Variants in DLG4 observed in about 807,000 individuals in gnomAD.
DLG4 encodes discs large MAGUK scaffold protein 4.
In DLG4, 7 loss-of-function variants were observed where a neutral mutation model predicts 93.8. The ratio of observed to expected loss-of-function variants is 0.07; its 90% confidence interval spans 0.04 to 0.14. DLG4 has a LOEUF of 0.14. Among genes scored for constraint, DLG4 ranks in the 10% least tolerant of loss-of-function variants. The probability of loss-of-function intolerance (pLI) is 1.00; values close to 1 mark genes in which losing one functional copy is unlikely to be tolerated. For synonymous variants in DLG4, 341 were observed against 387.6 expected (o/e 0.88, Z 1.41); for missense variants, 545 against 992.9 (o/e 0.55, Z 6.06).
In DLG4 at chr17:7,195,537, C is replaced by T. The variant is rs1419735752; in HGVS notation, c.1301+683G>A. 2.0e-5 allele frequency among the ~76,000 whole-genome samples: 3 copies of T among 152,066 alleles called. No individual in the cohort carries two copies. The highest frequency in any genetic ancestry group is 2.9e-5 in the Non-Finnish European group (2 of 68,022). ...AGCGTGGGACATGTTGAGTGTGGGA[C>T]GCCTGTGGGACATCCCAGTGGAGAT... On this transcript the variant is annotated intron_variant, in intron 11 of 19. Transcript: ENST00000399506. The surrounding 1 kb of genome is among the most constrained non-coding windows in gnomAD (Gnocchi z 4.3).
Position 7,204,080 on chromosome 17 carries a change from G to T in DLG4, c.151-13C>A. 6.2e-7 allele frequency: 1 copy of T among 1,606,814 alleles called. No individual in the cohort carries two copies. The highest frequency in any genetic ancestry group is 8.5e-7 in the Non-Finnish European group (1 of 1,176,658). On this transcript the variant is annotated splice_polypyrimidine_tract_variant and intron_variant, in intron 3 of 19. Coordinates refer to ENST00000399506, the MANE Select transcript of DLG4 (RefSeq NM_001321075.3). ...TCACCTGCAACTCCAGCACGGGACA[G>T]AAACACAAAAGCAGTGAGACAGACA...
At chr17:7,207,817 C>G (rs1274825698) in intron 2 of DLG4, among the ~76,000 whole-genome samples, 1 of 152,014 alleles carries the variant, frequency 6.6e-6, no homozygotes, top group Non-Finnish European at 1.5e-5. Context: ...CAGGCACGCG[C>G]GCACACACAC....
chr17:7,191,712 G>T lies in DLG4; in HGVS notation c.1976+181C>A. On this transcript the variant is annotated intron_variant, in intron 18 of 19. Coordinates refer to ENST00000399506, the MANE Select transcript of DLG4 (RefSeq NM_001321075.3). The surrounding 1 kb of genome is among the most constrained non-coding windows in gnomAD (Gnocchi z 6.6). ...GGGAAATGTAGTCCTGTCTAGCCAAGGCAGGAGAGGAGGGGAAAGACCCGA... is the reference window on the plus strand; with the variant it reads ...GGGAAATGTAGTCCTGTCTAGCCAATGCAGGAGAGGAGGGGAAAGACCCGA... The T allele has an allele frequency of 1.8e-6, 1 of 567,082 alleles. No individual in the cohort carries two copies. The highest frequency in any genetic ancestry group is 3.2e-6 in the Non-Finnish European group (1 of 314,660). 35.1% of individuals were successfully genotyped at this position (567,082 alleles called of 1,614,324 possible). A position where few individuals can be genotyped will look rare whatever the true frequency, so the allele number is the denominator to read the frequency against.
intron 1 of DLG4, among the ~76,000 whole-genome samples, chr17:7,213,028 G>A (rs895109463): frequency 2.6e-5 from 4 of 151,542 alleles, no homozygotes; most frequent in African/African-American, 9.7e-5. Context: ...GTGAGACTCG[G>A]TCTCAAAAAT....
chr17:7,196,207 G>A lies in DLG4; in HGVS notation c.1301+13C>T. The A allele has an allele frequency of 6.2e-7, 1 of 1,605,904 alleles. No homozygotes were observed. Reference sequence around the variant, plus strand: ...CAGAGGGGCTGAGGAGTCCAGCCCGGGAAGCCTCTGACCTGATGTAGAAAC... The same window carrying A: ...CAGAGGGGCTGAGGAGTCCAGCCCGAGAAGCCTCTGACCTGATGTAGAAAC... On this transcript the variant is annotated intron_variant, in intron 11 of 19. Transcript: ENST00000399506. The surrounding 1 kb of genome is among the most constrained non-coding windows in gnomAD (Gnocchi z 8.3).
At chr17:7,216,027 G>C (rs1262142060) in intron 1 of DLG4, among the ~76,000 whole-genome samples, 2 of 151,292 alleles carry the variant, frequency 1.3e-5, no homozygotes, top group Non-Finnish European at 2.9e-5. Context: ...TGCTCCATCC[G>C]AGATCTCCTG....
Position 7,191,533 on chromosome 17 carries a change from A to G in DLG4, c.1977-175T>C. ...GAGAACCACCCCCCACCCCCCTGCC[A>G]CCCGCAACCGCCCCAGCCAGGTGTG... On this transcript the variant is annotated intron_variant, in intron 18 of 19. Coordinates refer to ENST00000399506, the MANE Select transcript of DLG4 (RefSeq NM_001321075.3). The surrounding 1 kb of genome is among the most constrained non-coding windows in gnomAD (Gnocchi z 6.6). 1 of 611,668 alleles carries G rather than the reference A, an allele frequency of 1.6e-6. No homozygotes were observed. The highest frequency in any genetic ancestry group is 2.9e-6 in the Non-Finnish European group (1 of 350,166). The allele number at this position is 611,668 out of a possible 1,614,324, so 37.9% of individuals were successfully genotyped here.
Position 7,191,285 on chromosome 17 carries a change from ACTC to A in DLG4, c.2047_2049del (p.Glu683del). The stretch of plus-strand genomic sequence containing the variant: ...GCCTCACCTGAGAAGCACTCTGTGA[ACTC>A]CTGCTCCAGCTTGGTGGCTCTGTCG... On this transcript the variant is annotated inframe_deletion, in exon 19 of 20. Transcript: ENST00000399506. This position sits in a 1 kb window ranked among gnomAD's most constrained non-coding sequence, Gnocchi z 6.6. 1 of 1,613,514 alleles carries A rather than the reference ACTC, an allele frequency of 6.2e-7. No individual in the cohort carries two copies. The highest frequency in any genetic ancestry group is 8.5e-7 in the Non-Finnish European group (1 of 1,179,770).
At position 7,189,263 on chromosome 17, in the gene DLG4, G is replaced by A. The variant is rs932168954; in HGVS notation, c.*1445C>T. Among the ~76,000 whole-genome samples, 8 of 151,878 alleles carry A rather than the reference G, an allele frequency of 5.3e-5. No homozygotes were observed. In the South Asian group the frequency reaches 8.3e-4, roughly 16 times the overall value. ...TCCCAGCACTTTGGGAGGCTGAGGC[G>A]GGTGGATAACAAGGTCAGGAGTTCA... On this transcript the variant is annotated 3_prime_UTR_variant, in exon 20 of 20. Transcript: ENST00000399506.
chr17:7,195,499 G>A lies in DLG4; in HGVS notation c.1301+721C>T, dbSNP rs1015770113. Among the ~76,000 whole-genome samples the A allele has an allele frequency of 1.3e-5, 2 of 152,254 alleles. No homozygotes were observed. The highest frequency in any genetic ancestry group is 4.8e-5 in the African/African-American group (2 of 41,468). The stretch of plus-strand genomic sequence containing the variant: ...CAAGATGGAACCCAGGCCCACAGCA[G>A]GATGATGAGCTCAGCGTGGGACATG... On this transcript the variant is annotated intron_variant, in intron 11 of 19. Coordinates refer to ENST00000399506, the MANE Select transcript of DLG4 (RefSeq NM_001321075.3). The surrounding 1 kb of genome is among the most constrained non-coding windows in gnomAD (Gnocchi z 4.3).
intron 17 of DLG4, 124 bp downstream of exon 17, chr17:7,192,818 TGGA>T (rs2069574968): frequency 1.0e-6 from 1 of 1,004,700 alleles, no homozygotes; most frequent in South Asian, 1.7e-5. Context: ...GAGAAGGAGG[TGGA>T]GGAGCGGAGT....
chr17:7,196,309 G>A lies in DLG4; in HGVS notation c.1212C>T (p.Ile404=), dbSNP rs1276000167. The part of the protein sequence containing the change: ...PEEYSRFEAK[I]HDLREQLMNS... ...TCATGAGCTGTTCCCGAAGGTCGTG[G>A]ATCTTGGCCTCGAATCGGCTGTACT... is the stretch of plus-strand genomic sequence containing the variant. Residue 404 remains isoleucine, a synonymous_variant, in exon 11 of 20, where the codon ATC becomes ATT. Coordinates refer to ENST00000399506, the MANE Select transcript of DLG4 (RefSeq NM_001321075.3). The surrounding 1 kb of genome is among the most constrained non-coding windows in gnomAD (Gnocchi z 8.3). 1 of 1,613,882 alleles carries A rather than the reference G, an allele frequency of 6.2e-7. No individual in the cohort carries two copies. Among genetic ancestry groups the A allele is most frequent in the Non-Finnish European group, 8.5e-7 (1 of 1,179,888 alleles).
In DLG4 at chr17:7,203,091, C is replaced by G; in HGVS notation, c.643-44G>C. 1 of 1,584,226 alleles carries G rather than the reference C, an allele frequency of 6.3e-7. No individual in the cohort carries two copies. Among genetic ancestry groups the G allele is most frequent in the Admixed American group, 1.7e-5 (1 of 59,168 alleles). ...AAGCTCAGACAAAGCCACAAATGGC[C>G]CAAGACAGAAGCACTGGGGTGAAGT... On this transcript the variant is annotated intron_variant, in intron 7 of 19. Transcript: ENST00000399506. The surrounding 1 kb of genome is among the most constrained non-coding windows in gnomAD (Gnocchi z 7.2).
chr17:7,194,603 A>G lies in DLG4; in HGVS notation c.1302-108T>C. On this transcript the variant is annotated intron_variant, in intron 11 of 19. Transcript: ENST00000399506. The surrounding 1 kb of genome is among the most constrained non-coding windows in gnomAD (Gnocchi z 4.4). ...GGTCTGCAGATGGCACTCCCATGGG[A>G]GCTATGGATGCCGAGGAACCCAAAA... is the stretch of plus-strand genomic sequence containing the variant. 2 of 1,254,298 alleles carry G rather than the reference A, an allele frequency of 1.6e-6. No individual in the cohort carries two copies. Among genetic ancestry groups the G allele is most frequent in the Non-Finnish European group, 2.2e-6 (2 of 919,162 alleles). 77.7% of individuals were successfully genotyped at this position (1,254,298 alleles called of 1,614,324 possible).
chr17:7,216,200 C>A (rs1195469193), intron 1 of DLG4, among the ~76,000 whole-genome samples: 2 of 152,070 alleles, frequency 1.3e-5, no homozygotes, highest in Non-Finnish European at 1.5e-5. Context: ...TGATCCCAAG[C>A]GTCAGGGGTA....
intron 1 of DLG4, among the ~76,000 whole-genome samples, chr17:7,213,508 C>T (rs2070790324): frequency 6.6e-6 from 1 of 152,056 alleles, no homozygotes; most frequent in Admixed American, 6.5e-5. Context: ...AAGATTGCTC[C>T]CAAATATATC....
chr17:7,198,051 G>C (rs1159132552), intron 8 of DLG4, among the ~76,000 whole-genome samples: 1 of 152,154 alleles, frequency 6.6e-6, no homozygotes, highest in Non-Finnish European at 1.5e-5. Flanking sequence ...CATCAGCCCA[G>C]TCCATCCATT....
chr17:7,205,329 T>A (rs899875282), intron 2 of DLG4, among the ~76,000 whole-genome samples: 8 of 152,182 alleles, frequency 5.3e-5, no homozygotes, highest in Non-Finnish European at 1.2e-4. Context: ...GGGCCCGCTT[T>A]AGCCCGGTCC....
rs201386394 is a variant in DLG4, at chr17:7,190,696, C to T, written c.*12G>A. ...GGAGGCAGGGCGAGTCCAGGCCAAGCCAGGGCAGGAATCAGAGTCTCTCTC... is the reference window on the plus strand; with the variant it reads ...GGAGGCAGGGCGAGTCCAGGCCAAGTCAGGGCAGGAATCAGAGTCTCTCTC... On this transcript the variant is annotated 3_prime_UTR_variant, in exon 20 of 20. Coordinates refer to ENST00000399506, the MANE Select transcript of DLG4 (RefSeq NM_001321075.3). The T allele has an allele frequency of 4.5e-5, 72 of 1,611,294 alleles. No homozygotes were observed. In the African/African-American group the frequency reaches 8.5e-4, roughly 19 times the overall value.
Sources: gnomAD v4.1 joint callset for allele counts (sites outside exome capture counted in the v4.1 genomes callset) on GRCh38, gnomAD v4.1.1 for gene constraint, Gnocchi (gnomAD v3.1) non-coding constraint, MANE v1.5 for transcripts, NCBI Gene and HGNC (gene_info 2026-07-23, HGNC 2026-07-21) for gene names.